Variants in TMEM132D observed in about 807,000 individuals in gnomAD.
TMEM132D encodes the protein transmembrane protein 132D.
A neutral mutation model predicts 62.3 loss-of-function variants in TMEM132D; 21 were observed. The ratio of observed to expected loss-of-function variants is 0.34; its 90% CI spans 0.24 to 0.49. The LOEUF is 0.49. TMEM132D is among the 20% of genes least tolerant of loss of function. TMEM132D has a pLI of 0.99. For synonymous variants in TMEM132D, 621 were observed against 575.6 expected, an observed-to-expected ratio of 1.08 and a Z score of -1.13; for missense variants, 1,346 against 1,402.8, an observed-to-expected ratio of 0.96 and a Z score of 0.65.
chr12:129,258,807 CAAAT>C (rs1416798470), intron 4 of TMEM132D, among the ~76,000 whole-genome samples: 3 of 152,118 alleles, frequency 2.0e-5, no homozygotes, highest in African/African-American at 4.8e-5. Context: ...AATAAGCAAA[CAAAT>C]AAATCTGCTA....
At chr12:129,545,707 G>A (rs974100022) in intron 2 of TMEM132D, among the ~76,000 whole-genome samples, 12 of 152,174 alleles carry the variant, frequency 7.9e-5, no homozygotes, top group East Asian at 1.9e-4. Flanking sequence ...GAAAGCATCC[G>A]TTTAGGTGTA....
chr12:129,189,257 G>T (rs1360970788), intron 5 of TMEM132D, among the ~76,000 whole-genome samples: 1 of 152,056 alleles, frequency 6.6e-6, no homozygotes, highest in African/African-American at 2.4e-5. Context: ...CAGGGACAGG[G>T]GACCAATTCC....
chr12:129,874,470 A>C (rs572840226), intron 1 of TMEM132D, among the ~76,000 whole-genome samples: 1 of 152,066 alleles, frequency 6.6e-6, no homozygotes, highest in African/African-American at 2.4e-5. Context: ...TGAGGTGATG[A>C]ATGCGTTCAT....
chr12:129,125,871 T>C (rs1305921364), intron 5 of TMEM132D, among the ~76,000 whole-genome samples: 2 of 152,166 alleles, frequency 1.3e-5, no homozygotes, highest in Non-Finnish European at 2.9e-5. Context: ...AGAGCATACA[T>C]TGAAGAGCAC....
At chr12:129,746,822 C>T (rs1408876691) in intron 1 of TMEM132D, among the ~76,000 whole-genome samples, 2 of 152,050 alleles carry the variant, frequency 1.3e-5, no homozygotes, top group African/African-American at 2.4e-5. Context: ...CCAGCCTCCC[C>T]GACTCAGCAG....
chr12:129,463,701 A>C (rs2137041220), intron 3 of TMEM132D, among the ~76,000 whole-genome samples: 1 of 147,242 alleles, frequency 6.8e-6, no homozygotes, highest in Non-Finnish European at 1.5e-5. Flanking sequence ...TTCAATTCCC[A>C]CCTATGAGTG....
chr12:129,560,757 G>A (rs187959536), intron 2 of TMEM132D, among the ~76,000 whole-genome samples: 224 of 152,302 alleles, frequency 1.5e-3, no homozygotes, highest in African/African-American at 5.1e-3. Context: ...CACCAAGGGT[G>A]GGTGACAACC....
Position 129,877,401 on chromosome 12 carries a change from C to A in TMEM132D, c.79+25860G>T, listed in dbSNP as rs1367482115. Reference sequence around the variant, plus strand: ...AAGAATCCACCTGATCAACAGCTGACTCTAAGGGCCGCTGGCTAGCAGAAG... The same window carrying A: ...AAGAATCCACCTGATCAACAGCTGAATCTAAGGGCCGCTGGCTAGCAGAAG... On this transcript the variant is annotated intron_variant, in intron 1 of 8. Transcript: ENST00000422113. Among the ~76,000 whole-genome samples, 4 of 152,002 alleles carry A rather than the reference C, an allele frequency of 2.6e-5. No homozygotes were observed. In the East Asian group the frequency reaches 7.8e-4, roughly 29 times the overall value.
At chr12:129,317,115 T>C (rs961883501) in intron 4 of TMEM132D, among the ~76,000 whole-genome samples, 1 of 152,066 alleles carries the variant, frequency 6.6e-6, no homozygotes, top group Non-Finnish European at 1.5e-5. Flanking sequence ...ATTTAGGACA[T>C]TTATATTCAA....
intron 3 of TMEM132D, among the ~76,000 whole-genome samples, chr12:129,412,507 G>C (rs1292436197): frequency 1.4e-5 from 1 of 73,776 alleles, no homozygotes; most frequent in Admixed American, 1.4e-4. Flanking sequence ...CCTGCTATAA[G>C]TGCCACCCCT....
intron 5 of TMEM132D, among the ~76,000 whole-genome samples, chr12:129,177,766 A>C (rs1340329801): frequency 1.3e-5 from 2 of 152,092 alleles, no homozygotes; most frequent in Non-Finnish European, 2.9e-5. Context: ...CTGACTCTTA[A>C]TTTTTTTAAA....
chr12:129,173,945 T>A (rs1430768539), intron 5 of TMEM132D, among the ~76,000 whole-genome samples: 1 of 152,080 alleles, frequency 6.6e-6, no homozygotes, highest in Non-Finnish European at 1.5e-5. Flanking sequence ...TATCTCCAAA[T>A]TGCTCAAATT....
intron 5 of TMEM132D, among the ~76,000 whole-genome samples, chr12:129,181,646 A>G (rs1878067674): frequency 6.6e-6 from 1 of 152,130 alleles, no homozygotes; most frequent in Non-Finnish European, 1.5e-5. Context: ...GCTCGAGACA[A>G]ACCTGACAGG....
At position 129,081,894 on chromosome 12, in the gene TMEM132D, G is replaced by C. The variant is rs1346893730; in HGVS notation, c.1788C>G (p.His596Gln). ...CCACTTGCCAGTCTGAGCCCAGCAGGTGGGCCAGGTGTCCCCCAGGGCCGG... is the reference window on the plus strand; with the variant it reads ...CCACTTGCCAGTCTGAGCCCAGCAGCTGGGCCAGGTGTCCCCCAGGGCCGG... ...EAAGPGGHLA[H>Q]LLGSDWQVDI... Residue 596 changes from histidine to glutamine, a missense_variant, in exon 7 of 9, where the codon CAC (histidine) becomes CAG (glutamine). Transcript: ENST00000422113. The C allele has an allele frequency of 1.9e-6, 3 of 1,613,956 alleles. No individual in the cohort carries two copies. Among genetic ancestry groups the C allele is most frequent in the Non-Finnish European group, 2.5e-6 (3 of 1,180,046 alleles).
rs34743737 is a variant in TMEM132D at position 129,662,791 on chromosome 12, C to CAA, written c.968+37017_968+37018dup. On this transcript the variant is annotated intron_variant, in intron 2 of 8. Transcript: ENST00000422113. Reference sequence around the variant, plus strand: ...CTGGCGACAGAGCAAGATTCCATCTCAAAAAAAAAAAAAAAAAAAAAAGAG... The same window carrying CAA: ...CTGGCGACAGAGCAAGATTCCATCTCAAAAAAAAAAAAAAAAAAAAAAAAGAG... Among the ~76,000 whole-genome samples the CAA allele has an allele frequency of 1.2e-3, 83 of 69,316 alleles. 2 individuals carry two copies. The highest frequency in any genetic ancestry group is 0.014 in the Middle Eastern group (1 of 72). The allele number at this position is 69,316 out of a possible 152,430, so 45.5% of individuals were successfully genotyped here. A position where few individuals can be genotyped will look rare whatever the true frequency, so the allele number is the denominator to read the frequency against.
Position 129,700,250 on chromosome 12 carries a change from G to C in TMEM132D, c.528C>G (p.Thr176=), listed in dbSNP as rs745411009. 8.7e-6 allele frequency: 14 copies of C among 1,613,052 alleles called. No individual in the cohort carries two copies. In the Admixed American group the frequency reaches 2.3e-4, roughly 27 times the overall value. The change falls in exon 2 of 9, where the codon ACC becomes ACG. Residue 176 remains threonine (T), a synonymous_variant. Coordinates refer to ENST00000422113, the MANE Select transcript of TMEM132D (RefSeq NM_133448.3). ...GCCGGCAGCTGCCCCGCACCTCTCG[G>C]GTCTCTCGGAAAGCAAAGACCCTCA... ...PCLRVFAFRE[T]REVRGSCRLQ... is the part of the protein sequence containing the mutation.
At chr12:129,452,872 T>G (rs1593015318) in intron 3 of TMEM132D, among the ~76,000 whole-genome samples, 1 of 152,314 alleles carries the variant, frequency 6.6e-6, no homozygotes, top group Middle Eastern at 3.4e-3. Flanking sequence ...AAAAATTATC[T>G]TTGTATCCCC....
chr12:129,239,062 G>T (rs1026823040), intron 4 of TMEM132D, among the ~76,000 whole-genome samples: 1 of 125,490 alleles, frequency 8.0e-6, no homozygotes, highest in Non-Finnish European at 1.6e-5. Flanking sequence ...CTGTGGTTTT[G>T]ATTTGCTTTT....
At chr12:129,671,859 T>C (rs560182391) in intron 2 of TMEM132D, among the ~76,000 whole-genome samples, 8 of 152,260 alleles carry the variant, frequency 5.3e-5, no homozygotes, top group African/African-American at 1.9e-4. Flanking sequence ...GGCAGAGTGG[T>C]AGAATGGCTT....
Sources: allele counts gnomAD v4.1 joint callset (sites outside exome capture counted in the v4.1 genomes callset), GRCh38; gene constraint gnomAD v4.1.1; transcripts MANE v1.5; gene names NCBI Gene and HGNC (gene_info 2026-07-23, HGNC 2026-07-21).